The following AIF1L variants were observed in gnomAD, a reference collection of about 807,000 sequenced individuals.
AIF1L encodes the protein allograft inflammatory factor 1-like.
Under a neutral mutation model 20.7 loss-of-function variants are expected in AIF1L, and 12 were observed. The observed-to-expected ratio is 0.58, with a 90% CI of 0.37 to 0.94. The LOEUF (loss-of-function observed/expected upper bound fraction) is 0.94, where lower values mean the gene tolerates loss of function less well. AIF1L is among the 40% of genes least tolerant of loss of function. The probability of loss-of-function intolerance (pLI) is 0.01; values close to 1 mark genes in which losing one functional copy is unlikely to be tolerated. For missense variants in AIF1L, 173 were observed against 185.3 expected (o/e 0.93, Z 0.39); for synonymous variants, 76 against 65.1 (o/e 1.17, Z -0.81).
At chr9:131,108,544 C>A (rs1306663400) in intron 2 of AIF1L, among the ~76,000 whole-genome samples, 3 of 152,150 alleles carry the variant, frequency 2.0e-5, no homozygotes, top group African/African-American at 7.2e-5. Context: ...CCCTCTCATC[C>A]TCATGTTTTA....
chr9:131,113,668 TA>T (rs200918604), intron 3 of AIF1L, among the ~76,000 whole-genome samples: 3 of 150,982 alleles, frequency 2.0e-5, no homozygotes, highest in South Asian at 2.1e-4. Context: ...AGACTCCTTC[TA>T]AAAAAAAGAA....
chr9:131,120,093 C>T (rs1353523483), intron 5 of AIF1L, 142 bp from the exon 6 acceptor site: 10 of 732,360 alleles, frequency 1.4e-5, no homozygotes, highest in Non-Finnish European at 2.2e-5. Flanking sequence ...TCTTGGGCTT[C>T]TGCAAGGATC....
intron 2 of AIF1L, among the ~76,000 whole-genome samples, chr9:131,102,220 T>C (rs1830655113): frequency 6.6e-6 from 1 of 152,142 alleles, no homozygotes; most frequent in Admixed American, 6.5e-5. Context: ...GCCCCTGATG[T>C]TTTTTTCAGA....
At chr9:131,120,103 C>A in intron 5 of AIF1L, 132 bp from the exon 6 acceptor site, 1 of 777,708 alleles carries the variant, frequency 1.3e-6, no homozygotes, top group Non-Finnish European at 2.0e-6. Context: ...CTGCAAGGAT[C>A]CCACTGGAGA....
rs551449829 is a variant in AIF1L, at chr9:131,123,069, G to A, written c.*2747G>A. On this transcript the variant is annotated 3_prime_UTR_variant, in exon 6 of 6. Transcript: ENST00000247291. ...GGGCAAATTCAGGTGGATGAAGTAT[G>A]TGTGTGCGTGTGCATGGGAGTGTGC... is the stretch of plus-strand genomic sequence containing the variant. 1 of 152,522 alleles carries A rather than the reference G, an allele frequency of 6.6e-6. No homozygotes were observed. Among genetic ancestry groups the A allele is most frequent in the Non-Finnish European group, 1.5e-5 (1 of 68,156 alleles). The allele number at this position is 152,522 out of a possible 1,614,324, so 9.4% of individuals were successfully genotyped here. A position where few individuals can be genotyped will look rare whatever the true frequency, so the allele number is the denominator to read the frequency against.
At chr9:131,105,103 G>C (rs1241665065) in intron 2 of AIF1L, among the ~76,000 whole-genome samples, 1 of 152,206 alleles carries the variant, frequency 6.6e-6, no homozygotes, top group Non-Finnish European at 1.5e-5. Flanking sequence ...GGCAGGGACG[G>C]GGGGAGGATG....
intron 2 of AIF1L, among the ~76,000 whole-genome samples, chr9:131,109,678 C>T (rs950967209): frequency 6.6e-6 from 1 of 152,194 alleles, no homozygotes; most frequent in African/African-American, 2.4e-5. Flanking sequence ...ATACAGGTTC[C>T]AGGGCTGCTG....
intron 4 of AIF1L, among the ~76,000 whole-genome samples, chr9:131,116,800 G>C (rs548551575): frequency 1.3e-5 from 2 of 152,236 alleles, no homozygotes. Context: ...CGAACTGCCC[G>C]AGAAAGGTCC....
At chr9:131,105,699 C>T (rs1483738543) in intron 2 of AIF1L, among the ~76,000 whole-genome samples, 1 of 152,208 alleles carries the variant, frequency 6.6e-6, no homozygotes, top group Non-Finnish European at 1.5e-5. Context: ...CTAAGCCCCT[C>T]CAGCCTCTGT....
In AIF1L at chr9:131,117,847, G is replaced by A. The variant is rs1831048491; in HGVS notation, c.294G>A (p.Gly98=). Residue 98 remains glycine, a synonymous_variant, in exon 5 of 6, where the codon GGG becomes GGA. Transcript: ENST00000247291. ...AGATGATCTCAGAGGTGACAGGAGG[G>A]GTCAGTGACACTATATCCTACCGAG... The part of the protein sequence containing the change: ...MKKMISEVTG[G]VSDTISYRDF... 2 of 1,614,098 alleles carry A rather than the reference G, an allele frequency of 1.2e-6. No individual in the cohort carries two copies. Among genetic ancestry groups the A allele is most frequent in the South Asian group, 1.1e-5 (1 of 91,074 alleles).
intron 2 of AIF1L, among the ~76,000 whole-genome samples, chr9:131,104,708 T>C (rs1830706759): frequency 6.6e-6 from 1 of 152,040 alleles, no homozygotes; most frequent in South Asian, 2.1e-4. Context: ...GCATAAGTAT[T>C]AGAAAAAAAT....
At chr9:131,108,524 G>T (rs1830802050) in intron 2 of AIF1L, among the ~76,000 whole-genome samples, 1 of 152,030 alleles carries the variant, frequency 6.6e-6, no homozygotes, top group South Asian at 2.1e-4. Context: ...CTTTAGATGT[G>T]GTATTTAACC....
At chr9:131,114,461 C>T (rs929303820) in intron 3 of AIF1L, 116 bp from the exon 4 acceptor site, 7 of 1,148,550 alleles carry the variant, frequency 6.1e-6, no homozygotes, top group South Asian at 2.5e-5. Context: ...TGGTAGGGTG[C>T]GGGAGGTGGT....
rs746813864 is a variant in AIF1L at position 131,121,396 on chromosome 9, G to C, written c.*1074G>C. On this transcript the variant is annotated 3_prime_UTR_variant, in exon 6 of 6. Transcript: ENST00000247291. ...ACACGGTCTAACTCATCTCTCCCCA[G>C]ATCTCTCAGAACCTTGAGCTTGGGA... is the stretch of plus-strand genomic sequence containing the variant. The C allele has an allele frequency of 2.7e-6, 1 of 364,898 alleles. No individual in the cohort carries two copies. Among genetic ancestry groups the C allele is most frequent in the Non-Finnish European group, 4.9e-6 (1 of 202,306 alleles). 22.6% of individuals were successfully genotyped at this position (364,898 alleles called of 1,614,324 possible).
At chr9:131,117,197 G>A (rs1831035030) in intron 4 of AIF1L, among the ~76,000 whole-genome samples, 1 of 152,176 alleles carries the variant, frequency 6.6e-6, no homozygotes, top group Non-Finnish European at 1.5e-5. Context: ...CTTCCAGCCG[G>A]GGCAGAGCCC....
At chr9:131,118,997 C>G (rs1033974381) in intron 5 of AIF1L, among the ~76,000 whole-genome samples, 4 of 152,206 alleles carry the variant, frequency 2.6e-5, no homozygotes, top group Non-Finnish European at 5.9e-5. Flanking sequence ...CTTAGGTCTG[C>G]GAGTCTCAGT....
At chr9:131,108,170 G>A (rs1203039707) in intron 2 of AIF1L, 3 of 150,248 alleles carry the variant, frequency 2.0e-5, no homozygotes, top group African/African-American at 4.9e-5. Context: ...ACCCAGGTTC[G>A]AAACCAACCT....
At chr9:131,099,870 G>A (rs1318741842) in intron 2 of AIF1L, among the ~76,000 whole-genome samples, 1 of 151,920 alleles carries the variant, frequency 6.6e-6, no homozygotes, top group Non-Finnish European at 1.5e-5. Context: ...GGGACTACAG[G>A]CGCTTGCCAC....
chr9:131,110,631 G>A (rs768220590), intron 2 of AIF1L, among the ~76,000 whole-genome samples: 7 of 151,240 alleles, frequency 4.6e-5, no homozygotes, highest in Non-Finnish European at 1.0e-4. Context: ...AGCCTCCCAA[G>A]TAGCTGGGAT....
Sources: gnomAD v4.1 joint callset for allele counts (sites outside exome capture counted in the v4.1 genomes callset) on GRCh38, gnomAD v4.1.1 for gene constraint, MANE v1.5 for transcripts, NCBI Gene and HGNC (gene_info 2026-07-23, HGNC 2026-07-21) for gene names.